The following ZNF738 variants were observed in gnomAD, a reference collection of about 807,000 sequenced individuals.
ZNF738 encodes protein ZNF738.
In ZNF738, 10 loss-of-function variants were observed where a neutral mutation model predicts 9.2. That is an observed-to-expected ratio of 1.09 (90% CI 0.67 to 1.85). The LOEUF (loss-of-function observed/expected upper bound fraction) is 1.85. ZNF738 is among the 40% of genes most tolerant of loss of function. The pLI, the probability that ZNF738 is intolerant of heterozygous loss-of-function variation, is 0.00. For missense variants in ZNF738, 346 were observed against 283.6 expected (o/e 1.22, Z -1.58); for synonymous variants, 113 against 94.5 (o/e 1.20, Z -1.14).
intron 4 of ZNF738, chr19:21,382,066 C>CTTTT (rs139193236): frequency 0.06 from 6,877 of 114,504 alleles, 478 homozygotes; most frequent in Middle Eastern, 0.16. Context: ...TTCTTTCTTT[C>CTTTT]TTTTTTTTTT....
rs1172990636 is a variant in ZNF738 at position 21,386,081 on chromosome 19, G to A, written c.*2407G>A. 6.6e-6 allele frequency among the ~76,000 whole-genome samples: 1 copy of A among 152,122 alleles called. No homozygotes were observed. The highest frequency in any genetic ancestry group is 6.5e-5 in the Admixed American group (1 of 15,274). ...CCTTATTAAACATAAAATCTTACAG[G>A]AGAGAAATTATACAAATGTGAAGAA... On this transcript the variant is annotated 3_prime_UTR_variant, in exon 5 of 5. Coordinates refer to ENST00000683779, the MANE Select transcript of ZNF738 (RefSeq NM_001355237.2).
chr19:21,377,866 A>C (rs1973952550), intron 4 of ZNF738: 1 of 380,828 alleles, frequency 2.6e-6, no homozygotes, highest in African/African-American at 2.1e-5. Flanking sequence ...TTCTGAAACA[A>C]AGAGACTTAC....
intron 2 of ZNF738, among the ~76,000 whole-genome samples, chr19:21,370,060 C>A (rs1022831711): frequency 4.6e-5 from 7 of 152,190 alleles, no homozygotes; most frequent in Admixed American, 4.6e-4. Context: ...GATCCGCCAA[C>A]CTCGGCCTCC....
intron 4 of ZNF738, chr19:21,381,108 T>C: frequency 1.4e-6 from 1 of 701,528 alleles, no homozygotes; most frequent in South Asian, 1.9e-5. Context: ...CACTTTATTT[T>C]CCTTACAAGG....
chr19:21,374,145 T>C (rs1230737055), intron 2 of ZNF738, among the ~76,000 whole-genome samples: 1 of 152,176 alleles, frequency 6.6e-6, no homozygotes, highest in Non-Finnish European at 1.5e-5. Flanking sequence ...ATGGAGAACA[T>C]GTAATGTTGA....
At chr19:21,364,953 T>G in intron 2 of ZNF738, among the ~76,000 whole-genome samples, 1 of 135,930 alleles carries the variant, frequency 7.4e-6, no homozygotes. Context: ...AGAGACAGGG[T>G]TTCACCGTGA....
At position 21,382,855 on chromosome 19, in the gene ZNF738, A is replaced by C. The variant is rs751233225; in HGVS notation, c.320-11A>C. On this transcript the variant is annotated splice_polypyrimidine_tract_variant and intron_variant, in intron 4 of 4. Transcript: ENST00000683779. The stretch of plus-strand genomic sequence containing the variant: ...GTAAGTGGAGTAACTTGATATTTTT[A>C]TTTCTTTCAGTTACATATTCTCATT... 57 of 416,088 alleles carry C rather than the reference A, an allele frequency of 1.4e-4. No homozygotes were observed. Among genetic ancestry groups the C allele is most frequent in the Non-Finnish European group, 2.5e-4 (53 of 215,158 alleles). The allele number at this position is 416,088 out of a possible 1,614,324, so 25.8% of individuals were successfully genotyped here. A position where few individuals can be genotyped will look rare whatever the true frequency, so the allele number is the denominator to read the frequency against.
chr19:21,377,547 G>A (rs1973946627), intron 4 of ZNF738: 2 of 536,424 alleles, frequency 3.7e-6, no homozygotes, highest in South Asian at 2.5e-5. Context: ...ATTTGTCATA[G>A]GTTCCCAGTT....
intron 2 of ZNF738, among the ~76,000 whole-genome samples, chr19:21,364,663 A>G (rs1250176401): frequency 2.0e-5 from 3 of 152,128 alleles, no homozygotes; most frequent in Non-Finnish European, 4.4e-5. Context: ...TTATTAAGAA[A>G]GTAAAGAAAT....
intron 1 of ZNF738, 90 bp downstream of exon 1, chr19:21,359,233 C>T: frequency 1.1e-6 from 1 of 881,716 alleles, no homozygotes; most frequent in Non-Finnish European, 2.0e-6. Flanking sequence ...GGCCTCCCCG[C>T]AGTCAGCTCT....
intron 2 of ZNF738, among the ~76,000 whole-genome samples, chr19:21,368,527 C>G (rs1476993919): frequency 6.6e-6 from 1 of 151,916 alleles, no homozygotes; most frequent in African/African-American, 2.4e-5. Context: ...ATGGTGCTAT[C>G]TCGGCTCACT....
In ZNF738 at chr19:21,386,653, T is replaced by A. The variant is rs1974071018; in HGVS notation, c.*2979T>A. 4.5e-6 allele frequency: 1 copy of A among 223,062 alleles called. No individual in the cohort carries two copies. The highest frequency in any genetic ancestry group is 9.8e-6 in the Non-Finnish European group (1 of 102,200). 13.8% of individuals were successfully genotyped at this position (223,062 alleles called of 1,614,324 possible). On this transcript the variant is annotated 3_prime_UTR_variant, in exon 5 of 5. Transcript: ENST00000683779. ...CTTACCAAACATAAGAAAATTCATA[T>A]TGGAGATTAACCTTATGAGTGTGAA... is the stretch of plus-strand genomic sequence containing the variant.
rs182979208 is a variant in ZNF738 at position 21,366,485 on chromosome 19, G to T, written c.96+4627G>T. 3.3e-5 allele frequency among the ~76,000 whole-genome samples: 5 copies of T among 152,304 alleles called. No individual in the cohort carries two copies. In the East Asian group the frequency reaches 9.7e-4, roughly 29 times the overall value. On this transcript the variant is annotated intron_variant, in intron 2 of 4. Transcript: ENST00000683779. The stretch of plus-strand genomic sequence containing the variant: ...AGATAATTTTTCTGGGGGAGGGACA[G>T]AAGTCTCTTCAGTATAGTCCTTTTG...
intron 2 of ZNF738, chr19:21,371,841 A>G (rs1360377478): frequency 6.6e-6 from 1 of 152,212 alleles, no homozygotes; most frequent in African/African-American, 2.4e-5. Flanking sequence ...ATCCTAGAAA[A>G]CTTTAAAAGA....
At chr19:21,368,455 A>G (rs2145224901) in intron 2 of ZNF738, among the ~76,000 whole-genome samples, 1 of 151,846 alleles carries the variant, frequency 6.6e-6, no homozygotes, top group African/African-American at 2.4e-5. Flanking sequence ...TTTTGAGACA[A>G]ACTCTTTTTT....
At position 21,384,708 on chromosome 19, in the gene ZNF738, A is replaced by G. The variant is rs1288047371; in HGVS notation, c.*1034A>G. On this transcript the variant is annotated 3_prime_UTR_variant, in exon 5 of 5. Coordinates refer to ENST00000683779, the MANE Select transcript of ZNF738 (RefSeq NM_001355237.2). ...TGGAAAAGCTTTTAACCAGTCCTCA[A>G]CTCTTACTAGACATAAGAGAGTTCA... 1.7e-5 allele frequency among the ~76,000 whole-genome samples: 2 copies of G among 118,846 alleles called. No homozygotes were observed. Among genetic ancestry groups the G allele is most frequent in the African/African-American group, 6.2e-5 (2 of 32,178 alleles). 78.0% of individuals were successfully genotyped at this position (118,846 alleles called of 152,430 possible).
intron 2 of ZNF738, 78 bp from the exon 3 acceptor site, chr19:21,375,160 T>C: frequency 1.3e-6 from 1 of 756,516 alleles, no homozygotes; most frequent in South Asian, 2.4e-5. Context: ...TTCTTTACTC[T>C]CTCATTTAAC....
Position 21,386,448 on chromosome 19 carries a change from C to G in ZNF738, c.*2774C>G. 3.2e-6 allele frequency: 1 copy of G among 311,704 alleles called. No individual in the cohort carries two copies. The highest frequency in any genetic ancestry group is 6.6e-6 in the Non-Finnish European group (1 of 151,208). The allele number at this position is 311,704 out of a possible 1,614,324, so 19.3% of individuals were successfully genotyped here. Reference sequence around the variant, plus strand: ...GTGAAGGATGTGGTAAAGCCGTTATCCAGTCCTCAACTCCCACTAAACATA... The same window carrying G: ...GTGAAGGATGTGGTAAAGCCGTTATGCAGTCCTCAACTCCCACTAAACATA... On this transcript the variant is annotated 3_prime_UTR_variant, in exon 5 of 5. Coordinates refer to ENST00000683779, the MANE Select transcript of ZNF738 (RefSeq NM_001355237.2).
At chr19:21,361,623 G>A (rs1011379536) in intron 1 of ZNF738, 143 bp from the exon 2 acceptor site, 2 of 647,368 alleles carry the variant, frequency 3.1e-6, no homozygotes, top group East Asian at 5.8e-5. Context: ...AAAATTTATG[G>A]GGTGATGTGT....
Sources: gnomAD v4.1 joint callset for allele counts (sites outside exome capture counted in the v4.1 genomes callset) on GRCh38, gnomAD v4.1.1 for gene constraint, MANE v1.5 for transcripts, NCBI Gene and HGNC (gene_info 2026-07-23, HGNC 2026-07-21) for gene names.